NCOR2: variants seen among roughly 807,000 people sequenced by gnomAD.
NCOR2 encodes the protein nuclear receptor corepressor 2.
NCOR2 carries 81 observed loss-of-function variants against 262.9 expected under a neutral mutation model. The ratio of observed to expected loss-of-function variants is 0.31; its 90% CI spans 0.26 to 0.37. NCOR2 has a LOEUF of 0.37. Ranked by LOEUF, NCOR2 falls within the 10% of genes least tolerant of loss-of-function variation. The pLI is 1.00. For missense variants in NCOR2, 3,385 were observed against 3,621.4 expected (o/e 0.93, Z 1.68); for synonymous variants, 1,659 against 1,559.3 (o/e 1.06, Z -1.51).
At chr12:124,473,218 TGATTG>T in intron 3 of NCOR2, 87 bp from the exon 6 acceptor site, 1 of 1,466,484 alleles carries the variant, frequency 6.8e-7, no homozygotes, top group Non-Finnish European at 9.3e-7. Flanking sequence ...ACTGTCAACC[TGATTG>T]GATTGAAGGA....
intron 11 of NCOR2, among the ~76,000 whole-genome samples, chr12:124,424,387 T>C (rs896824149): frequency 6.6e-6 from 1 of 152,132 alleles, no homozygotes; most frequent in African/African-American, 2.4e-5. Flanking sequence ...AGAAAGATCG[T>C]GCCTGCTATG....
chr12:124,437,514 G>C (rs2044416615), intron 8 of NCOR2, among the ~76,000 whole-genome samples: 1 of 152,208 alleles, frequency 6.6e-6, no homozygotes, highest in Non-Finnish European at 1.5e-5. Flanking sequence ...CCTGGGCCCA[G>C]TGCACCAGGA....
At chr12:124,340,023 G>A (rs1251992376) in exon 37 of NCOR2, 23 of 1,612,194 alleles carry the variant, frequency 1.4e-5, no homozygotes, top group Non-Finnish European at 1.9e-5. Context: ...CCGTGGGCGT[G>A]CTGGGCTCCA....
Position 124,503,019 on chromosome 12 carries a change from C to A in NCOR2, c.-117-7651G>T, listed in dbSNP as rs180740185. On this transcript the variant is annotated intron_variant, in intron 1 of 46. Coordinates refer to the NCOR2 transcript ENST00000404621. The surrounding 1 kb of genome is among the most constrained non-coding windows in gnomAD (Gnocchi z 4.3). ...GGAAGAGCCAGGTACCCAACCCCAG[C>A]CTGTCGTTGGCTCTGCCGGAGGGGC... Among the ~76,000 whole-genome samples the A allele has an allele frequency of 6.6e-6, 1 of 152,322 alleles. No homozygotes were observed. The highest frequency in any genetic ancestry group is 6.5e-5 in the Admixed American group (1 of 15,304).
intron 20 of NCOR2, among the ~76,000 whole-genome samples, chr12:124,365,088 C>T (rs897618315): frequency 2.6e-5 from 4 of 152,036 alleles, no homozygotes; most frequent in African/African-American, 9.7e-5. Context: ...GGTATGGAAG[C>T]AGCCCGGCCT....
In NCOR2 at chr12:124,437,389, T is replaced by A. The variant is rs1164908588; in HGVS notation, c.882+541A>T. ...GTGGGCTGAGATCCACAGCCTACAGTGAGAAGCAGGAATCAGCATCCTTTT... is the reference window on the plus strand; with the variant it reads ...GTGGGCTGAGATCCACAGCCTACAGAGAGAAGCAGGAATCAGCATCCTTTT... On this transcript the variant is annotated intron_variant, in intron 8 of 46. Transcript: ENST00000405201. Among the ~76,000 whole-genome samples, 5 of 152,104 alleles carry A rather than the reference T, an allele frequency of 3.3e-5. No homozygotes were observed. In the East Asian group the frequency reaches 9.6e-4, roughly 29 times the overall value.
chr12:124,388,778 CTGGGCG>C, intron 16 of NCOR2: 1 of 1,303,480 alleles, frequency 7.7e-7, no homozygotes. Context: ...GGCCGGCAGG[CTGGGCG>C]GCCGCGGTCG....
chr12:124,559,652 T>G (rs183871056), intron 1 of NCOR2, among the ~76,000 whole-genome samples: 1 of 152,030 alleles, frequency 6.6e-6, no homozygotes, highest in Non-Finnish European at 1.5e-5. Context: ...CTCTCAGGAA[T>G]GTGTAAGGTA....
At chr12:124,433,174 T>C (rs1326437592) in intron 8 of NCOR2, among the ~76,000 whole-genome samples, 1 of 152,140 alleles carries the variant, frequency 6.6e-6, no homozygotes, top group Non-Finnish European at 1.5e-5. Context: ...CCTAACCCCA[T>C]GCATGCAGGC....
intron 13 of NCOR2, among the ~76,000 whole-genome samples, chr12:124,405,164 C>G (rs569794818): frequency 1.3e-5 from 2 of 152,214 alleles, no homozygotes; most frequent in African/African-American, 2.4e-5. Context: ...ACAACCCCCT[C>G]GCTCCTGGAA....
At position 124,454,850 on chromosome 12, in the gene NCOR2, C is replaced by T. The variant is rs1197577660; in HGVS notation, c.762+2256G>A. Among the ~76,000 whole-genome samples, 3 of 152,190 alleles carry T rather than the reference C, an allele frequency of 2.0e-5. No homozygotes were observed. The highest frequency in any genetic ancestry group is 6.5e-5 in the Admixed American group (1 of 15,284). Reference sequence around the variant, plus strand: ...CGTACGTTCACATGGAAACGGCACACTAATGTTCACAGCAACTTTATTCAC... The same window carrying T: ...CGTACGTTCACATGGAAACGGCACATTAATGTTCACAGCAACTTTATTCAC... On this transcript the variant is annotated intron_variant, in intron 6 of 46. Coordinates refer to ENST00000405201, the Ensembl canonical transcript of NCOR2. This position sits in a 1 kb window ranked among gnomAD's most constrained non-coding sequence, Gnocchi z 5.6.
At chr12:124,456,115 A>G (rs565569656) in intron 6 of NCOR2, among the ~76,000 whole-genome samples, 2 of 152,316 alleles carry the variant, frequency 1.3e-5, no homozygotes, top group African/African-American at 4.8e-5. Context: ...GCTTCATGCA[A>G]TCCTCCTGCC....
chr12:124,497,337 G>A (rs2048430424), upstream of NCOR2, among the ~76,000 whole-genome samples: 1 of 152,198 alleles, frequency 6.6e-6, no homozygotes, highest in African/African-American at 2.4e-5. This position sits in a 1 kb window ranked among gnomAD's most constrained non-coding sequence, Gnocchi z 4.2. Flanking sequence ...CCGTGAACAT[G>A]GGAACACGTC....
At chr12:124,530,178 A>C (rs1426811637) in intron 1 of NCOR2, 1 of 152,210 alleles carries the variant, frequency 6.6e-6, no homozygotes, top group Non-Finnish European at 1.5e-5. Flanking sequence ...GAGTGAAAGA[A>C]GCCAGACACA....
intron 11 of NCOR2, among the ~76,000 whole-genome samples, chr12:124,426,316 G>A (rs2043543407): frequency 6.6e-6 from 1 of 152,194 alleles, no homozygotes; most frequent in Non-Finnish European, 1.5e-5. Flanking sequence ...CAGAGACAAA[G>A]GTCATGTGGG....
intron 7 of NCOR2, among the ~76,000 whole-genome samples, chr12:124,448,507 A>G (rs904726241): frequency 3.3e-5 from 5 of 152,196 alleles, no homozygotes; most frequent in Non-Finnish European, 7.3e-5. Context: ...CACACTCTGC[A>G]GCCCCTGCTG....
At chr12:124,414,063 C>G (rs892613780) in intron 13 of NCOR2, among the ~76,000 whole-genome samples, 1 of 152,112 alleles carries the variant, frequency 6.6e-6, no homozygotes, top group Non-Finnish European at 1.5e-5. Context: ...CCCTCTGCCG[C>G]CTGCCCTCGC....
chr12:124,502,203 A>G (rs1593858363), intron 1 of NCOR2, among the ~76,000 whole-genome samples: 1 of 152,206 alleles, frequency 6.6e-6, no homozygotes, highest in South Asian at 2.1e-4. Flanking sequence ...AGGGGCCCCC[A>G]CAGCCAATGA....
At chr12:124,393,424 C>G (rs751551020) in intron 16 of NCOR2, among the ~76,000 whole-genome samples, 2 of 152,228 alleles carry the variant, frequency 1.3e-5, no homozygotes, top group Non-Finnish European at 2.9e-5. Flanking sequence ...CTATGGCCAT[C>G]ATGTCCCCAG....
Sources: gnomAD v4.1 joint callset for allele counts (sites outside exome capture counted in the v4.1 genomes callset) on GRCh38, gnomAD v4.1.1 for gene constraint, Gnocchi (gnomAD v3.1) non-coding constraint, MANE v1.5 for transcripts, NCBI Gene and HGNC (gene_info 2026-07-23, HGNC 2026-07-21) for gene names.